The following SUPT3H variants were observed in gnomAD, a reference collection of about 807,000 sequenced individuals.
SUPT3H encodes SPT3 homolog, SAGA and STAGA complex component.
In SUPT3H, 44 loss-of-function variants were observed where a neutral mutation model predicts 44.3. That is an observed-to-expected ratio of 0.99 (90% CI 0.78 to 1.28). SUPT3H has a LOEUF of 1.28. Among genes scored for constraint, SUPT3H ranks in the 50% most tolerant of loss-of-function variants. SUPT3H has a pLI of 0.00. For synonymous variants in SUPT3H, 124 were observed against 125.6 expected (o/e 0.99, Z 0.09); for missense variants, 380 against 387.1 (o/e 0.98, Z 0.15).
chr6:44,882,040 G>A (rs933549244), intron 10 of SUPT3H, among the ~76,000 whole-genome samples: 1 of 152,114 alleles, frequency 6.6e-6, no homozygotes, highest in African/African-American at 2.4e-5. Context: ...TAAGATCAGA[G>A]CAGAAGTGAA....
chr6:45,220,362 A>T (rs2153635112), intron 2 of SUPT3H, among the ~76,000 whole-genome samples: 1 of 152,302 alleles, frequency 6.6e-6, no homozygotes, highest in East Asian at 1.9e-4. Flanking sequence ...GAAGAAAAAT[A>T]GTATGAACAT....
At chr6:44,932,967 C>A (rs1334141866) in intron 9 of SUPT3H, among the ~76,000 whole-genome samples, 1 of 152,076 alleles carries the variant, frequency 6.6e-6, no homozygotes, top group Admixed American at 6.6e-5. Context: ...AGCAGACCTA[C>A]CAAACGCAAT....
intron 2 of SUPT3H, among the ~76,000 whole-genome samples, chr6:45,148,489 A>G (rs1412147488): frequency 6.6e-6 from 1 of 152,208 alleles, no homozygotes; most frequent in Non-Finnish European, 1.5e-5. Flanking sequence ...TTCATCCATA[A>G]GAAACATGAG....
At position 45,071,133 on chromosome 6, in the gene SUPT3H, T is replaced by C. The variant is rs147133870; in HGVS notation, c.186+34789A>G. Among the ~76,000 whole-genome samples the C allele has an allele frequency of 7.2e-5, 11 of 152,238 alleles. No homozygotes were observed. In the East Asian group the frequency reaches 1.5e-3, roughly 21 times the overall value. ...ATGGACATAGTAATAGAAATATGTA[T>C]CTTCATTTCAGGCAGGTTCCTATTT... On this transcript the variant is annotated intron_variant, in intron 3 of 10. Transcript: ENST00000371459.
intron 2 of SUPT3H, among the ~76,000 whole-genome samples, chr6:45,267,751 T>TTA: frequency 6.6e-6 from 1 of 152,228 alleles, no homozygotes; most frequent in South Asian, 2.1e-4. Context: ...GTTAAGAGCC[T>TTA]AGGCCTTACA....
intron 2 of SUPT3H, among the ~76,000 whole-genome samples, chr6:45,136,287 G>A (rs922779786): frequency 3.3e-5 from 5 of 152,118 alleles, no homozygotes; most frequent in African/African-American, 9.7e-5. Context: ...ACATGTTTGG[G>A]TGACAGACTT....
chr6:45,095,605 T>C lies in SUPT3H; in HGVS notation c.186+10317A>G, dbSNP rs1271782949. ...ACCAACTACACAGCTTACTACTGAC[T>C]GGTAGATTCATACAGTGAAAATCTA... On this transcript the variant is annotated intron_variant, in intron 3 of 10. Coordinates refer to ENST00000371459, the MANE Select transcript of SUPT3H (RefSeq NM_003599.4). This position sits in a 1 kb window ranked among gnomAD's most constrained non-coding sequence, Gnocchi z 4.1. Among the ~76,000 whole-genome samples the C allele has an allele frequency of 6.6e-6, 1 of 152,188 alleles. No individual in the cohort carries two copies. The highest frequency in any genetic ancestry group is 1.5e-5 in the Non-Finnish European group (1 of 68,002).
chr6:45,331,943 T>C (rs1787603763), intron 2 of SUPT3H, among the ~76,000 whole-genome samples: 2 of 152,012 alleles, frequency 1.3e-5, no homozygotes, highest in African/African-American at 4.8e-5. Context: ...AACACTGAAA[T>C]ATTTGATGGT....
At chr6:45,324,268 T>C (rs1049177736) in intron 2 of SUPT3H, among the ~76,000 whole-genome samples, 1 of 152,012 alleles carries the variant, frequency 6.6e-6, no homozygotes, top group East Asian at 1.9e-4. Flanking sequence ...AATTAAAGTG[T>C]TAATACTATG....
intron 2 of SUPT3H, among the ~76,000 whole-genome samples, chr6:45,107,642 G>C (rs1799465479): frequency 6.6e-6 from 1 of 152,080 alleles, no homozygotes; most frequent in Non-Finnish European, 1.5e-5. Context: ...AGTGCCCACA[G>C]GTACCTTGTA....
In SUPT3H at chr6:44,862,595, T is replaced by C. The variant is rs1023344748; in HGVS notation, c.913-32738A>G. Among the ~76,000 whole-genome samples, 4 of 150,628 alleles carry C rather than the reference T, an allele frequency of 2.7e-5. No individual in the cohort carries two copies. In the South Asian group the frequency reaches 6.3e-4, roughly 24 times the overall value. On this transcript the variant is annotated intron_variant, in intron 10 of 10. Coordinates refer to ENST00000371459, the MANE Select transcript of SUPT3H (RefSeq NM_003599.4). Reference sequence around the variant, plus strand: ...GGGAGGCTGAGGCAGGGAGAATTGCTTGAACAAGGCGGGTGGAGGTTGCAG... The same window carrying C: ...GGGAGGCTGAGGCAGGGAGAATTGCCTGAACAAGGCGGGTGGAGGTTGCAG...
intron 6 of SUPT3H, among the ~76,000 whole-genome samples, chr6:44,995,377 C>G (rs1781138138): frequency 6.6e-6 from 1 of 151,970 alleles, no homozygotes; most frequent in East Asian, 1.9e-4. Flanking sequence ...ATTTTATTCC[C>G]TACCTCTTTA....
At chr6:44,995,516 G>A (rs1336711207) in intron 6 of SUPT3H, among the ~76,000 whole-genome samples, 1 of 152,008 alleles carries the variant, frequency 6.6e-6, no homozygotes, top group East Asian at 1.9e-4. Flanking sequence ...GACACTTTAC[G>A]AGTTTCTAAC....
intron 3 of SUPT3H, among the ~76,000 whole-genome samples, chr6:45,092,307 T>G (rs1250557710): frequency 6.6e-6 from 1 of 152,190 alleles, no homozygotes; most frequent in East Asian, 1.9e-4. Context: ...TATTACTTAA[T>G]GCCATATTAT....
chr6:44,814,469 G>C (rs1766765494), intron 11 of SUPT3H, among the ~76,000 whole-genome samples: 1 of 152,094 alleles, frequency 6.6e-6, no homozygotes, highest in African/African-American at 2.4e-5. Context: ...TAGGCAAAGA[G>C]CCAGAAAATT....
At chr6:45,070,834 C>G (rs1318578099) in intron 3 of SUPT3H, among the ~76,000 whole-genome samples, 1 of 151,140 alleles carries the variant, frequency 6.6e-6, no homozygotes, top group Non-Finnish European at 1.5e-5. Context: ...AGTGTTACTA[C>G]CAGTGTATAG....
chr6:45,277,162 A>C (rs1258646174), intron 2 of SUPT3H, among the ~76,000 whole-genome samples: 1 of 152,168 alleles, frequency 6.6e-6, no homozygotes, highest in Admixed American at 6.5e-5. Flanking sequence ...TCTCCATTTT[A>C]TTCCACTAAT....
chr6:45,050,278 A>AGTGTGTGTGTGT (rs57510967), intron 3 of SUPT3H, among the ~76,000 whole-genome samples: 9,034 of 147,320 alleles, frequency 0.061, 295 homozygotes, highest in South Asian at 0.076. Flanking sequence ...CTTTTTCTGC[A>AGTGTGTGTGTGT]GTGTGTGTGT....
chr6:45,207,266 T>C (rs746756426), intron 2 of SUPT3H, among the ~76,000 whole-genome samples: 1 of 152,136 alleles, frequency 6.6e-6, no homozygotes, highest in East Asian at 1.9e-4. Flanking sequence ...TCAAATGCTA[T>C]TGATAGGTCA....
Sources: allele counts gnomAD v4.1 joint callset (sites outside exome capture counted in the v4.1 genomes callset), GRCh38; gene constraint gnomAD v4.1.1; non-coding constraint Gnocchi (gnomAD v3.1); transcripts MANE v1.5; gene names NCBI Gene and HGNC (gene_info 2026-07-23, HGNC 2026-07-21).